CNTN5: variants seen among roughly 807,000 people sequenced by gnomAD.
CNTN5 encodes contactin 5.
A neutral mutation model predicts 129.1 loss-of-function variants in CNTN5; 77 were observed. The observed-to-expected ratio is 0.60, with a 90% CI of 0.50 to 0.72. The LOEUF (loss-of-function observed/expected upper bound fraction) is 0.72, where lower values mean the gene tolerates loss of function less well. CNTN5 is among the 30% of genes least tolerant of loss of function. CNTN5 has a pLI of 0.00. For missense variants in CNTN5, 1,478 were observed against 1,328.8 expected, an observed-to-expected ratio of 1.11 and a Z score of -1.75; for synonymous variants, 509 against 465.6, an observed-to-expected ratio of 1.09 and a Z score of -1.20.
chr11:99,270,538 A>C (rs1044892811), intron 1 of CNTN5, among the ~76,000 whole-genome samples: 1 of 151,872 alleles, frequency 6.6e-6, no homozygotes, highest in Non-Finnish European at 1.5e-5. Context: ...ATATATTATG[A>C]ATGAGTCTTT....
chr11:100,194,202 C>T (rs1948575711), intron 15 of CNTN5, among the ~76,000 whole-genome samples: 1 of 151,862 alleles, frequency 6.6e-6, no homozygotes, highest in East Asian at 1.9e-4. Context: ...ACCTACATGG[C>T]AATCAACCAA....
intron 3 of CNTN5, among the ~76,000 whole-genome samples, chr11:99,665,959 T>A (rs1952776578): frequency 6.6e-6 from 1 of 151,904 alleles, no homozygotes; most frequent in African/African-American, 2.4e-5. Flanking sequence ...CTGTTTTTTT[T>A]TGTTTTTGTT....
At chr11:100,004,171 A>AACTTCAGT (rs1732453360) in intron 9 of CNTN5, among the ~76,000 whole-genome samples, 1 of 152,136 alleles carries the variant, frequency 6.6e-6, no homozygotes. Context: ...CTGTTGCAAA[A>AACTTCAGT]ACTTCAGTAT....
chr11:99,987,045 C>T (rs1221067977), intron 8 of CNTN5, among the ~76,000 whole-genome samples: 1 of 151,740 alleles, frequency 6.6e-6, no homozygotes, highest in African/African-American at 2.4e-5. Context: ...TTCATAATTC[C>T]AGATTAGAAA....
At chr11:100,324,895 T>A (rs969878227) in intron 21 of CNTN5, among the ~76,000 whole-genome samples, 3 of 152,176 alleles carry the variant, frequency 2.0e-5, no homozygotes, top group African/African-American at 4.8e-5. Context: ...ATGTAACTCA[T>A]TAAATTGCAT....
chr11:100,130,420 C>G (rs78092173), intron 13 of CNTN5, among the ~76,000 whole-genome samples: 262 of 152,202 alleles, frequency 1.7e-3, no homozygotes, highest in African/African-American at 6.0e-3. Flanking sequence ...ATTTAATATA[C>G]TGGTAGTACA....
At chr11:100,260,939 T>G (rs1217213806) in intron 17 of CNTN5, among the ~76,000 whole-genome samples, 1 of 152,196 alleles carries the variant, frequency 6.6e-6, no homozygotes, top group Non-Finnish European at 1.5e-5. Context: ...TCGGAAGTTT[T>G]GGCCAGGGCA....
At chr11:100,254,569 C>G (rs1342515639) in intron 16 of CNTN5, among the ~76,000 whole-genome samples, 1 of 152,140 alleles carries the variant, frequency 6.6e-6, no homozygotes, top group African/African-American at 2.4e-5. Flanking sequence ...GGTGGTTCTT[C>G]TCAGGTAACA....
Position 100,129,505 on chromosome 11 carries a change from T to C in CNTN5, c.1580+55211T>C, listed in dbSNP as rs145674963. On this transcript the variant is annotated intron_variant, in intron 13 of 24. Transcript: ENST00000524871. ...AAGAGATTGCAATCACAGATAAAAC[T>C]GCAGTTGCTTAGAAGTGTGAGTAAA... is the stretch of plus-strand genomic sequence containing the variant. 2.6e-3 allele frequency among the ~76,000 whole-genome samples: 390 copies of C among 152,274 alleles called. 1 individual carries two copies. Among genetic ancestry groups the C allele is most frequent in the African/African-American group, 8.5e-3 (354 of 41,574 alleles).
chr11:99,552,099 G>T (rs1025474464), intron 2 of CNTN5, among the ~76,000 whole-genome samples: 4 of 151,700 alleles, frequency 2.6e-5, no homozygotes, highest in Non-Finnish European at 5.9e-5. Context: ...GTAGAGACAA[G>T]GTTTCACCAT....
At chr11:99,411,617 C>T (rs1942397562) in intron 2 of CNTN5, among the ~76,000 whole-genome samples, 1 of 152,060 alleles carries the variant, frequency 6.6e-6, no homozygotes, top group South Asian at 2.1e-4. Context: ...TGGAGATGAG[C>T]CCAAGGAGAA....
chr11:100,049,677 T>G lies in CNTN5; in HGVS notation c.981-11535T>G, dbSNP rs551756394. On this transcript the variant is annotated intron_variant, in intron 9 of 24. Coordinates refer to ENST00000524871, the MANE Select transcript of CNTN5 (RefSeq NM_014361.4). ...CACAGCAAAAGAAACTACCATCAGA[T>G]TGAACAGGCAACCTACAAAATGGGA... Among the ~76,000 whole-genome samples, 24 of 152,138 alleles carry G rather than the reference T, an allele frequency of 1.6e-4. 1 individual carries two copies. The highest frequency in any genetic ancestry group is 4.2e-4 in the South Asian group (2 of 4,812).
chr11:99,095,962 A>C (rs1480606456), intron 1 of CNTN5, among the ~76,000 whole-genome samples: 3 of 151,908 alleles, frequency 2.0e-5, no homozygotes, highest in Non-Finnish European at 2.9e-5. Flanking sequence ...CATTGGTTTT[A>C]AATATGATAT....
At chr11:99,234,879 A>G (rs558974735) in intron 1 of CNTN5, among the ~76,000 whole-genome samples, 1 of 152,252 alleles carries the variant, frequency 6.6e-6, no homozygotes. Flanking sequence ...AACAGTTGTG[A>G]AAAACTATTC....
intron 3 of CNTN5, among the ~76,000 whole-genome samples, chr11:99,634,845 C>A (rs575037484): frequency 6.6e-6 from 1 of 152,138 alleles, no homozygotes; most frequent in Non-Finnish European, 1.5e-5. Context: ...AAAGGTGACC[C>A]GTGTCATCAA....
At position 99,382,617 on chromosome 11, in the gene CNTN5, TATG is replaced by T. The variant is rs570982306; in HGVS notation, c.-71+57136_-71+57138del. On this transcript the variant is annotated intron_variant, in intron 2 of 24. Coordinates refer to ENST00000524871, the MANE Select transcript of CNTN5 (RefSeq NM_014361.4). ...CTCCACATCCACTCGCCCTCTCTTG[TATG>T]ATATTATGAATAATCCAGTGCCATG... Among the ~76,000 whole-genome samples the T allele has an allele frequency of 2.0e-5, 3 of 152,240 alleles. No individual in the cohort carries two copies. In the South Asian group the frequency reaches 6.2e-4, roughly 32 times the overall value.
intron 3 of CNTN5, among the ~76,000 whole-genome samples, chr11:99,624,340 C>T (rs560353520): frequency 2.6e-5 from 4 of 152,126 alleles, no homozygotes; most frequent in African/African-American, 7.2e-5. Flanking sequence ...TTACTTCTGC[C>T]TTAAGTAGTC....
chr11:100,318,336 C>T (rs924243955), intron 21 of CNTN5, among the ~76,000 whole-genome samples: 15 of 151,856 alleles, frequency 9.9e-5, no homozygotes, highest in African/African-American at 3.4e-4. Context: ...TTTCTCATCC[C>T]TAAACCCAGC....
intron 7 of CNTN5, among the ~76,000 whole-genome samples, chr11:99,932,153 C>T (rs926940757): frequency 2.1e-5 from 3 of 142,124 alleles, no homozygotes; most frequent in South Asian, 2.2e-4. Context: ...AAATGCTTAC[C>T]CATCTCCCTT....
Sources: allele counts gnomAD v4.1 joint callset (sites outside exome capture counted in the v4.1 genomes callset), GRCh38; gene constraint gnomAD v4.1.1; transcripts MANE v1.5; gene names NCBI Gene and HGNC (gene_info 2026-07-23, HGNC 2026-07-21).